The following SOBP variants were observed in gnomAD, a reference collection of about 807,000 sequenced individuals.
The protein encoded by SOBP is sine oculis binding protein homolog.
In SOBP, 4 loss-of-function variants were observed where a neutral mutation model predicts 53.6. The observed-to-expected ratio is 0.07, with a 90% CI of 0.04 to 0.17. SOBP has a LOEUF of 0.17. Ranked by LOEUF, SOBP falls within the 10% of genes least tolerant of loss-of-function variation. SOBP has a pLI of 1.00. For missense variants in SOBP, 1,088 were observed against 1,204.7 expected, an observed-to-expected ratio of 0.90 and a Z score of 1.43; for synonymous variants, 584 against 522.6, an observed-to-expected ratio of 1.12 and a Z score of -1.60.
intron 4 of SOBP, among the ~76,000 whole-genome samples, chr6:107,548,772 A>G (rs886127821): frequency 2.6e-5 from 4 of 151,760 alleles, no homozygotes; most frequent in African/African-American, 9.7e-5. Flanking sequence ...CTCTGTTTCT[A>G]CAAAATATAA....
intron 6 of SOBP, among the ~76,000 whole-genome samples, chr6:107,645,848 T>C (rs376342388): frequency 6.6e-6 from 1 of 152,102 alleles, no homozygotes; most frequent in East Asian, 1.9e-4. Flanking sequence ...TGAAGTAGCA[T>C]GTTAAAGGGC....
chr6:107,595,623 A>G (rs924263472), intron 5 of SOBP, among the ~76,000 whole-genome samples: 3 of 152,218 alleles, frequency 2.0e-5, no homozygotes, highest in Admixed American at 2.0e-4. Context: ...GAAATCAGAT[A>G]GGATATCAAT....
chr6:107,529,343 C>T, intron 3 of SOBP: 1 of 490,372 alleles, frequency 2.0e-6, no homozygotes, highest in Non-Finnish European at 2.6e-6. Flanking sequence ...GGCCATGGGC[C>T]ATTTCATGTC....
intron 4 of SOBP, among the ~76,000 whole-genome samples, chr6:107,566,822 T>G (rs59394789): frequency 0.013 from 2,054 of 152,336 alleles, 47 homozygotes; most frequent in African/African-American, 0.046. Flanking sequence ...CTGTACATCT[T>G]CTTGCAACAG....
In SOBP at chr6:107,506,229, T is replaced by G. The variant is rs766415111; in HGVS notation, c.236-13T>G. On this transcript the variant is annotated splice_polypyrimidine_tract_variant and intron_variant, in intron 2 of 6. Coordinates refer to ENST00000317357, the MANE Select transcript of SOBP (RefSeq NM_018013.4). The stretch of plus-strand genomic sequence containing the variant: ...TCCTTGGTCACATTGAATATGATTT[T>G]TTTCTTTTACAGAAAATTCTTTGCC... 35 of 1,612,680 alleles carry G rather than the reference T, an allele frequency of 2.2e-5. No individual in the cohort carries two copies. The highest frequency in any genetic ancestry group is 1.2e-5 in the Non-Finnish European group (14 of 1,178,906).
chr6:107,548,078 T>A (rs1432824369), intron 4 of SOBP, among the ~76,000 whole-genome samples: 3 of 151,816 alleles, frequency 2.0e-5, no homozygotes, highest in Non-Finnish European at 4.4e-5. Flanking sequence ...GTATGAGGGA[T>A]TTGTGAATCA....
At chr6:107,507,896 C>G (rs965230250) in intron 3 of SOBP, among the ~76,000 whole-genome samples, 1 of 151,858 alleles carries the variant, frequency 6.6e-6, no homozygotes, top group Non-Finnish European at 1.5e-5. Flanking sequence ...ATCTAGATGG[C>G]AACGGGCTGA....
intron 4 of SOBP, among the ~76,000 whole-genome samples, chr6:107,554,561 C>T (rs1236602561): frequency 6.6e-6 from 1 of 152,132 alleles, no homozygotes; most frequent in Admixed American, 6.5e-5. Context: ...GGCAATTTAG[C>T]TTAATTTGCC....
chr6:107,517,196 C>T (rs1028579151), intron 3 of SOBP, among the ~76,000 whole-genome samples: 1 of 152,148 alleles, frequency 6.6e-6, no homozygotes, highest in Non-Finnish European at 1.5e-5. Flanking sequence ...AGTCCAGAAA[C>T]AAATCTAAAT....
At chr6:107,513,724 C>CAA (rs57209957) in intron 3 of SOBP, among the ~76,000 whole-genome samples, 8 of 96,330 alleles carry the variant, frequency 8.3e-5, no homozygotes, top group South Asian at 3.3e-4. Context: ...ATGCAATTCT[C>CAA]AAAAAAAAAA....
chr6:107,605,186 A>G (rs1274150438), intron 5 of SOBP, among the ~76,000 whole-genome samples: 2 of 152,186 alleles, frequency 1.3e-5, no homozygotes, highest in African/African-American at 2.4e-5. Context: ...TTGTTCTCAT[A>G]TATTATATAC....
intron 5 of SOBP, among the ~76,000 whole-genome samples, chr6:107,599,626 T>A: frequency 8.0e-6 from 1 of 124,290 alleles, no homozygotes. Flanking sequence ...AAAAAAAAGG[T>A]TGCTAGCTCC....
chr6:107,636,702 G>A (rs1771060572), intron 6 of SOBP, among the ~76,000 whole-genome samples: 1 of 152,174 alleles, frequency 6.6e-6, no homozygotes, highest in Admixed American at 6.5e-5. Flanking sequence ...GGTAAATGAT[G>A]GCGTGCCCCC....
chr6:107,599,158 G>A (rs897216536), intron 5 of SOBP, among the ~76,000 whole-genome samples: 3 of 152,092 alleles, frequency 2.0e-5, no homozygotes, highest in South Asian at 2.1e-4. Context: ...GTGGGTTACC[G>A]GCTTTGTGGT....
At chr6:107,533,271 CAAAAAAAAAAA>C (rs762864049) in intron 3 of SOBP, among the ~76,000 whole-genome samples, 177 bp from the exon 4 acceptor site, 112 of 32,830 alleles carry the variant, frequency 3.4e-3, no homozygotes, top group African/African-American at 7.5e-3. Context: ...ACTTAGGAGC[CAAAAAAAAAAA>C]AAAAAAAAAA....
At chr6:107,616,325 A>G (rs1231463397) in intron 5 of SOBP, among the ~76,000 whole-genome samples, 1 of 152,208 alleles carries the variant, frequency 6.6e-6, no homozygotes, top group East Asian at 1.9e-4. Flanking sequence ...CCTGGATGGT[A>G]TGCACGGACC....
chr6:107,565,877 G>T (rs921662046), intron 4 of SOBP, among the ~76,000 whole-genome samples: 3 of 152,232 alleles, frequency 2.0e-5, no homozygotes, highest in African/African-American at 7.2e-5. Context: ...CACCTCCTGT[G>T]CAGGGAAAGC....
chr6:107,507,080 A>AT (rs1002355704), intron 3 of SOBP, among the ~76,000 whole-genome samples: 8 of 151,828 alleles, frequency 5.3e-5, no homozygotes, highest in African/African-American at 1.9e-4. Flanking sequence ...AAAAAAAAAA[A>AT]GTAACCATGG....
chr6:107,552,252 G>A (rs1407076980), intron 4 of SOBP, among the ~76,000 whole-genome samples: 2 of 152,144 alleles, frequency 1.3e-5, no homozygotes, highest in Admixed American at 6.5e-5. Flanking sequence ...TCTTAGCAGA[G>A]TTATATTTAT....
Sources: allele counts gnomAD v4.1 joint callset (sites outside exome capture counted in the v4.1 genomes callset), GRCh38; gene constraint gnomAD v4.1.1; transcripts MANE v1.5; gene names NCBI Gene and HGNC (gene_info 2026-07-23, HGNC 2026-07-21).